RIOK1: variants seen among roughly 807,000 people sequenced by gnomAD.
RIOK1 encodes the protein RIO kinase 1.
Under a neutral mutation model 73.5 loss-of-function variants are expected in RIOK1, and 66 were observed. That is an observed-to-expected ratio of 0.90 (90% CI 0.74 to 1.10). RIOK1 has a LOEUF of 1.10. Among genes scored for constraint, RIOK1 ranks in the 50% least tolerant of loss-of-function variants. The pLI is 0.00. For missense variants in RIOK1, 658 were observed against 699.8 expected (o/e 0.94, Z 0.67); for synonymous variants, 224 against 226.8 (o/e 0.99, Z 0.11).
chr6:7,415,250 G>A (rs901872556), intron 16 of RIOK1, among the ~76,000 whole-genome samples: 59 of 152,192 alleles, frequency 3.9e-4, no homozygotes, highest in African/African-American at 1.4e-3. Context: ...GTGATACCCC[G>A]TCTCTATTAA....
At chr6:7,394,176 C>G (rs910100841) in intron 2 of RIOK1, among the ~76,000 whole-genome samples, 1 of 152,142 alleles carries the variant, frequency 6.6e-6, no homozygotes, top group Non-Finnish European at 1.5e-5. Context: ...GCTCCTGCCT[C>G]TAATCCCAGC....
chr6:7,417,873 T>C lies in RIOK1; in HGVS notation c.*432T>C, dbSNP rs955632657. 3 of 152,258 alleles carry C rather than the reference T, an allele frequency of 2.0e-5. No homozygotes were observed. Among genetic ancestry groups the C allele is most frequent in the African/African-American group, 4.8e-5 (2 of 41,446 alleles). The allele number at this position is 152,258 out of a possible 1,614,324, so 9.4% of individuals were successfully genotyped here. On this transcript the variant is annotated 3_prime_UTR_variant, in exon 17 of 17. Transcript: ENST00000379834. ...CTGAGGTCATCTGATTATAAGGCCA[T>C]GTTTATATAAAGGGAATTTCACCCA... is the stretch of plus-strand genomic sequence containing the variant.
chr6:7,398,822 T>G, intron 5 of RIOK1, 82 bp downstream of exon 5: 1 of 1,194,042 alleles, frequency 8.4e-7, no homozygotes, highest in East Asian at 2.4e-5. Flanking sequence ...TTTATCCTTT[T>G]TGCTTAATGC....
chr6:7,416,688 C>A (rs1762013032), intron 16 of RIOK1, among the ~76,000 whole-genome samples: 1 of 149,700 alleles, frequency 6.7e-6, no homozygotes, highest in Non-Finnish European at 1.5e-5. Context: ...GTTATGGTGG[C>A]TCATGCCTGT....
Position 7,411,364 on chromosome 6 carries a change from G to C in RIOK1, c.1302G>C (p.Leu434Phe), listed in dbSNP as rs760684950. The change falls in exon 14 of 17, where the codon TTG becomes TTC. Residue 434 changes from leucine to phenylalanine, a missense_variant. Coordinates refer to ENST00000379834, the MANE Select transcript of RIOK1 (RefSeq NM_031480.3). ...VFKRAYIPRT[L>F]NEVKNYERDM... ...AGCGAGCATATATTCCTAGAACCTTGAATGAAGTGAAAAATTATGAGAGGG... is the reference window on the plus strand; with the variant it reads ...AGCGAGCATATATTCCTAGAACCTTCAATGAAGTGAAAAATTATGAGAGGG... 6.2e-7 allele frequency: 1 copy of C among 1,613,940 alleles called. No individual in the cohort carries two copies. The highest frequency in any genetic ancestry group is 1.1e-5 in the South Asian group (1 of 91,058).
At chr6:7,416,824 AAG>A (rs1021816593) in intron 16 of RIOK1, among the ~76,000 whole-genome samples, 13 of 151,932 alleles carry the variant, frequency 8.6e-5, no homozygotes, top group African/African-American at 2.2e-4. Flanking sequence ...TGTCTCTAAA[AAG>A]AAAAAACTGA....
intron 2 of RIOK1, among the ~76,000 whole-genome samples, chr6:7,394,319 A>G (rs1002582140): frequency 6.6e-5 from 10 of 152,152 alleles, no homozygotes; most frequent in Non-Finnish European, 1.5e-4. Context: ...CTGTAATCCC[A>G]GCTACTCGGG....
rs1761710864 is a variant in RIOK1 at position 7,405,030 on chromosome 6, A to C, written c.1096+9A>C. Reference sequence around the variant, plus strand: ...TTGCGCCAACGTCAATGGTGAGTAGAAACGGCAATTTTCGAAACAGCTCAT... The same window carrying C: ...TTGCGCCAACGTCAATGGTGAGTAGCAACGGCAATTTTCGAAACAGCTCAT... On this transcript the variant is annotated intron_variant, in intron 11 of 16. Transcript: ENST00000379834. 3 of 1,609,620 alleles carry C rather than the reference A, an allele frequency of 1.9e-6. No individual in the cohort carries two copies. Among genetic ancestry groups the C allele is most frequent in the Non-Finnish European group, 2.6e-6 (3 of 1,176,358 alleles).
intron 12 of RIOK1, among the ~76,000 whole-genome samples, chr6:7,405,956 C>CT (rs1561879058): frequency 6.6e-6 from 1 of 151,322 alleles, no homozygotes; most frequent in African/African-American, 2.4e-5. Flanking sequence ...GGGCCTTTCT[C>CT]TTTTTTTCTT....
chr6:7,410,508 T>C lies in RIOK1; in HGVS notation c.1269+57T>C. The C allele has an allele frequency of 1.7e-6, 2 of 1,163,570 alleles. 1 individual carries two copies. The allele number at this position is 1,163,570 out of a possible 1,614,324, so 72.1% of individuals were successfully genotyped here. On this transcript the variant is annotated intron_variant, in intron 13 of 16. Transcript: ENST00000379834. Reference sequence around the variant, plus strand: ...AAACACTTGTGTTTTGAGGGTTTTTTTTTTTATGTTGCTAGAGCATAAACT... The same window carrying C: ...AAACACTTGTGTTTTGAGGGTTTTTCTTTTTATGTTGCTAGAGCATAAACT...
rs142751876 is a variant in RIOK1, at chr6:7,405,124, A to G, written c.1096+103A>G. The G allele has an allele frequency of 7.8e-4, 869 of 1,111,112 alleles. 5 individuals carry two copies. The highest frequency in any genetic ancestry group is 6.3e-3 in the South Asian group (472 of 75,338). The allele number at this position is 1,111,112 out of a possible 1,614,324, so 68.8% of individuals were successfully genotyped here. A position where few individuals can be genotyped will look rare whatever the true frequency, so the allele number is the denominator to read the frequency against. ...ATTTTCTCACTAAATTGTTTGGTGC[A>G]GTGATGCTTAAACCATTTGCTGGGA... On this transcript the variant is annotated intron_variant, in intron 11 of 16. Coordinates refer to ENST00000379834, the MANE Select transcript of RIOK1 (RefSeq NM_031480.3).
At chr6:7,402,363 G>T (rs541843021) in intron 6 of RIOK1, among the ~76,000 whole-genome samples, 1 of 152,300 alleles carries the variant, frequency 6.6e-6, no homozygotes, top group South Asian at 2.1e-4. Flanking sequence ...CATATATGCG[G>T]TCTGTCACCT....
At position 7,402,688 on chromosome 6, in the gene RIOK1, G is replaced by A. The variant is rs1179128325; in HGVS notation, c.659G>A (p.Arg220Gln). 5 of 1,611,152 alleles carry A rather than the reference G, an allele frequency of 3.1e-6. No homozygotes were observed. Among genetic ancestry groups the A allele is most frequent in the Non-Finnish European group, 4.2e-6 (5 of 1,178,264 alleles). The change falls in exon 7 of 17, where the codon CGG (arginine) becomes CAG (glutamine). Residue 220 changes from arginine (R) to glutamine (Q), a missense_variant. By Grantham distance (43) the Arg-to-Gln change is conservative (BLOSUM62 1). Transcript: ENST00000379834. Reference protein sequence around the residue: ...YKTSILVFKDRDKYVSGEFRF... With the variant: ...YKTSILVFKDQDKYVSGEFRF... ...ACTTCTATTTTGGTGTTCAAAGATC[G>A]GGATAAATATGTAAGTGGAGAATTC...
In RIOK1 at chr6:7,393,244, G is replaced by A; in HGVS notation, c.217G>A (p.Asp73Asn). 1.2e-6 allele frequency: 2 copies of A among 1,614,064 alleles called. No homozygotes were observed. Among genetic ancestry groups the A allele is most frequent in the Non-Finnish European group, 1.7e-6 (2 of 1,179,964 alleles). Residue 73 changes from aspartate (D) to asparagine (N), a missense_variant, in exon 2 of 17, where the codon GAT becomes AAT. Physicochemically the swap from Asp to Asn is conservative, Grantham distance 23 (BLOSUM62 1). Coordinates refer to ENST00000379834, the MANE Select transcript of RIOK1 (RefSeq NM_031480.3). ...YDDDDDDWDW[D>N]EGVGKLAKGY... is the part of the protein sequence containing the mutation. ...CGATGATGATGATGACTGGGACTGG[G>A]ATGAAGGAGTTGGAAAACTCGCCAA...
chr6:7,415,459 A>T (rs112401877), intron 16 of RIOK1, among the ~76,000 whole-genome samples: 1 of 152,212 alleles, frequency 6.6e-6, no homozygotes, highest in South Asian at 2.1e-4. Context: ...AGAATCTTTT[A>T]TCCGTGACAT....
chr6:7,408,928 T>C (rs566181509), intron 12 of RIOK1, among the ~76,000 whole-genome samples: 3 of 151,388 alleles, frequency 2.0e-5, no homozygotes, highest in Non-Finnish European at 2.9e-5. Flanking sequence ...TCCATGTTGG[T>C]CAGGCTGGCC....
chr6:7,409,053 C>T (rs1208574624), intron 12 of RIOK1, among the ~76,000 whole-genome samples: 3 of 151,660 alleles, frequency 2.0e-5, no homozygotes, highest in Non-Finnish European at 4.4e-5. Context: ...GACGGAGTTT[C>T]GCTCTTGTCA....
Position 7,390,067 on chromosome 6 carries a change from C to A in RIOK1, c.65C>A (p.Ser22Tyr). ...VPGQFDDADS[S>Y]DSENRDLKTV... ...GGGCAATTCGACGACGCGGACTCCT[C>A]TGACAGGTAGGCGGCCGTACAGTGC... The change falls in exon 1 of 17, where the codon TCT becomes TAT. Residue 22 changes from serine to tyrosine, a missense_variant. Transcript: ENST00000379834. The A allele has an allele frequency of 6.4e-7, 1 of 1,559,208 alleles. No individual in the cohort carries two copies. Among genetic ancestry groups the A allele is most frequent in the Admixed American group, 1.9e-5 (1 of 53,102 alleles).
At chr6:7,401,204 C>T (rs1328793797) in intron 6 of RIOK1, among the ~76,000 whole-genome samples, 154 bp downstream of exon 6, 3 of 152,236 alleles carry the variant, frequency 2.0e-5, no homozygotes, top group African/African-American at 7.2e-5. Context: ...GTACATATAA[C>T]TACGCCCTTT....
Sources: allele counts gnomAD v4.1 joint callset (sites outside exome capture counted in the v4.1 genomes callset), GRCh38; gene constraint gnomAD v4.1.1; transcripts MANE v1.5; gene names NCBI Gene and HGNC (gene_info 2026-07-23, HGNC 2026-07-21).